Variants in RUFY3 observed in about 807,000 individuals in gnomAD.
The protein encoded by RUFY3 is RUN and FYVE domain containing 3.
A neutral mutation model predicts 84.0 loss-of-function variants in RUFY3; 34 were observed. The observed-to-expected ratio is 0.40, with a 90% CI of 0.31 to 0.54. RUFY3 has a LOEUF of 0.54. RUFY3 is among the 20% of genes least tolerant of loss of function. The probability of loss-of-function intolerance (pLI) is 0.39; values close to 1 mark genes in which losing one functional copy is unlikely to be tolerated. For synonymous variants in RUFY3, 242 were observed against 252.9 expected (o/e 0.96, Z 0.41); for missense variants, 507 against 736.8 (o/e 0.69, Z 3.61).
chr4:70,793,638 C>A (rs1731139020), intron 12 of RUFY3, 147 bp from the exon 13 acceptor site: 1 of 1,502,768 alleles, frequency 6.7e-7, no homozygotes, highest in East Asian at 2.4e-5. Flanking sequence ...CCCATAATTT[C>A]TTCACCTGTG....
At chr4:70,735,453 C>G (rs950503598) in intron 1 of RUFY3, among the ~76,000 whole-genome samples, 5 of 152,180 alleles carry the variant, frequency 3.3e-5, no homozygotes, top group Admixed American at 6.5e-5. Flanking sequence ...GTGAAAAAGA[C>G]TTCTTCCCAA....
At chr4:70,712,128 A>T (rs542531678) in intron 1 of RUFY3, among the ~76,000 whole-genome samples, 2 of 152,270 alleles carry the variant, frequency 1.3e-5, no homozygotes, top group South Asian at 2.1e-4. Flanking sequence ...GACACTAGAG[A>T]GTCCTAAAAG....
At chr4:70,733,836 A>G (rs149180713) in intron 1 of RUFY3, among the ~76,000 whole-genome samples, 1 of 152,310 alleles carries the variant, frequency 6.6e-6, no homozygotes, top group Non-Finnish European at 1.5e-5. Flanking sequence ...GATTTTTATA[A>G]TATTCTTTAT....
intron 8 of RUFY3, among the ~76,000 whole-genome samples, chr4:70,779,660 G>A (rs146881227): frequency 7.7e-4 from 111 of 144,436 alleles, no homozygotes; most frequent in Middle Eastern, 3.5e-3. Flanking sequence ...AGGGCTTACT[G>A]TAACCCCCGC....
intron 14 of RUFY3, among the ~76,000 whole-genome samples, chr4:70,797,484 A>C (rs1731673225): frequency 6.6e-6 from 1 of 152,302 alleles, no homozygotes; most frequent in East Asian, 1.9e-4. Flanking sequence ...ATTTACTGGC[A>C]AATAGAAAAC....
At chr4:70,705,361 G>T (rs1373294334) in intron 1 of RUFY3, 2 of 1,166,686 alleles carry the variant, frequency 1.7e-6, no homozygotes, top group East Asian at 3.2e-5. Flanking sequence ...GGGCCGGCCC[G>T]GCCCCCGCGG....
intron 1 of RUFY3, among the ~76,000 whole-genome samples, chr4:70,735,861 A>G (rs1720190296): frequency 6.6e-6 from 1 of 152,084 alleles, no homozygotes; most frequent in Admixed American, 6.5e-5. Context: ...GGTGGCGGAT[A>G]CTTGCAATCT....
At chr4:70,714,980 T>G (rs1009676170) in intron 1 of RUFY3, among the ~76,000 whole-genome samples, 16 of 152,228 alleles carry the variant, frequency 1.1e-4, no homozygotes, top group Admixed American at 9.2e-4. Flanking sequence ...TGCATTATAA[T>G]ACTCCTGGTA....
At chr4:70,713,450 G>A (rs1264531296) in intron 1 of RUFY3, among the ~76,000 whole-genome samples, 2 of 152,168 alleles carry the variant, frequency 1.3e-5, no homozygotes, top group African/African-American at 4.8e-5. Flanking sequence ...ACTTCTCAAG[G>A]CTGCTGGCCA....
intron 10 of RUFY3, among the ~76,000 whole-genome samples, chr4:70,787,187 A>AAAAT (rs1553920475): frequency 1.1e-3 from 90 of 81,468 alleles, no homozygotes; most frequent in Non-Finnish European, 1.2e-3. Context: ...AAAAAAAAAA[A>AAAAT]ATATATATAT....
chr4:70,742,440 C>T (rs1721468290), intron 1 of RUFY3, among the ~76,000 whole-genome samples: 2 of 152,140 alleles, frequency 1.3e-5, no homozygotes, highest in Admixed American at 1.3e-4. Flanking sequence ...CTTTCCTGCC[C>T]ACCTCCTCCT....
intron 15 of RUFY3, among the ~76,000 whole-genome samples, chr4:70,801,610 G>A (rs1276601812): frequency 1.3e-5 from 2 of 152,306 alleles, no homozygotes; most frequent in East Asian, 3.9e-4. Flanking sequence ...CCCTAGCCAG[G>A]CTTCGTCACC....
exon 1 of RUFY3, chr4:70,704,949 C>T (rs1740085265): frequency 2.4e-6 from 3 of 1,226,118 alleles, no homozygotes; most frequent in Non-Finnish European, 2.0e-6. Context: ...GGCTGAGACC[C>T]CGCCGCCGCC....
Position 70,789,505 on chromosome 4 carries a change from T to C in RUFY3, c.1250T>C (p.Leu417Ser). 5 of 1,612,040 alleles carry C rather than the reference T, an allele frequency of 3.1e-6. No homozygotes were observed. Among genetic ancestry groups the C allele is most frequent in the Non-Finnish European group, 4.2e-6 (5 of 1,178,916 alleles). ...ELAFKLQSSDLGVKQKSELNS... is the reference protein window; with the variant it reads ...ELAFKLQSSDSGVKQKSELNS... The stretch of plus-strand genomic sequence containing the variant: ...TATTTTCCATAACAGAGTTCAGACT[T>C]AGGAGTAAAACAGAAAAGTGAACTA... Residue 417 changes from leucine to serine, a missense_variant, in exon 12 of 18, where the codon TTA (leucine) becomes TCA (serine). Leu to Ser is a moderately radical substitution (Grantham distance 145). Transcript: ENST00000381006.
intron 1 of RUFY3, among the ~76,000 whole-genome samples, chr4:70,751,446 A>G (rs147906999): frequency 6.6e-6 from 1 of 152,328 alleles, no homozygotes; most frequent in African/African-American, 2.4e-5. Flanking sequence ...TCAATGAATA[A>G]TTATTATTGT....
At chr4:70,707,569 G>A (rs1366843401) in intron 1 of RUFY3, among the ~76,000 whole-genome samples, 1 of 152,026 alleles carries the variant, frequency 6.6e-6, no homozygotes, top group Admixed American at 6.6e-5. Flanking sequence ...TTGTTACCAC[G>A]TAAGTTCTAA....
At chr4:70,751,772 T>C (rs552398038) in intron 1 of RUFY3, among the ~76,000 whole-genome samples, 18 of 152,340 alleles carry the variant, frequency 1.2e-4, no homozygotes, top group African/African-American at 3.8e-4. Flanking sequence ...TTTTTTCTTT[T>C]GTTGCTAAAC....
At chr4:70,736,547 A>G (rs1458001431) in intron 1 of RUFY3, among the ~76,000 whole-genome samples, 2 of 151,580 alleles carry the variant, frequency 1.3e-5, no homozygotes, top group Non-Finnish European at 2.9e-5. Flanking sequence ...GTCTTCAGTT[A>G]TTGGATGTGC....
intron 8 of RUFY3, among the ~76,000 whole-genome samples, chr4:70,781,843 A>G (rs911127421): frequency 6.6e-6 from 1 of 152,180 alleles, no homozygotes; most frequent in African/African-American, 2.4e-5. Context: ...CTGCTTGGTT[A>G]TTCCTCTCGG....
Sources: allele counts gnomAD v4.1 joint callset (sites outside exome capture counted in the v4.1 genomes callset), GRCh38; gene constraint gnomAD v4.1.1; transcripts MANE v1.5; gene names NCBI Gene and HGNC (gene_info 2026-07-23, HGNC 2026-07-21).